The following SART1 variants were observed in gnomAD, a reference collection of about 807,000 sequenced individuals.
The protein encoded by SART1 is U4/U6.U5 tri-snRNP-associated protein 1.
In SART1, 28 loss-of-function variants were observed where a neutral mutation model predicts 105.0. The ratio of observed to expected loss-of-function variants is 0.27; its 90% CI spans 0.20 to 0.37. SART1 has a LOEUF of 0.37. SART1 is among the 10% of genes least tolerant of loss of function. The pLI, the probability that SART1 is intolerant of heterozygous loss-of-function variation, is 1.00. For synonymous variants in SART1, 472 were observed against 462.9 expected, an observed-to-expected ratio of 1.02 and a Z score of -0.25; for missense variants, 894 against 1,106.5, an observed-to-expected ratio of 0.81 and a Z score of 2.72.
intron 9 of SART1, among the ~76,000 whole-genome samples, chr11:65,966,908 G>A (rs901707909): frequency 6.6e-6 from 1 of 152,192 alleles, no homozygotes; most frequent in African/African-American, 2.4e-5. Flanking sequence ...TGACTGGAGA[G>A]GTGTGCGTGG....
At chr11:65,968,139 G>A (rs1256025790) in intron 12 of SART1, among the ~76,000 whole-genome samples, 1 of 151,898 alleles carries the variant, frequency 6.6e-6, no homozygotes, top group African/African-American at 2.4e-5. Context: ...TAGTAGAGAC[G>A]GGGTTTCACT....
chr11:65,965,295 G>C, intron 4 of SART1, 47 bp from the exon 5 acceptor site: 1 of 1,602,498 alleles, frequency 6.2e-7, no homozygotes, highest in Non-Finnish European at 8.5e-7. Flanking sequence ...GAGTGGGGTG[G>C]GGAGCAGGAG....
At chr11:65,977,147 C>T (rs776213370) in intron 15 of SART1, 46 bp downstream of exon 15, 3 of 1,449,586 alleles carry the variant, frequency 2.1e-6, no homozygotes, top group Non-Finnish European at 2.9e-6. Flanking sequence ...TTGGGTGCTG[C>T]TGCAGGTGCA....
At position 65,978,453 on chromosome 11, in the gene SART1, T is replaced by G; in HGVS notation, c.2173-147T>G. The G allele has an allele frequency of 1.3e-6, 1 of 741,756 alleles. No individual in the cohort carries two copies. Among genetic ancestry groups the G allele is most frequent in the Non-Finnish European group, 2.3e-6 (1 of 440,984 alleles). The allele number at this position is 741,756 out of a possible 1,614,324, so 45.9% of individuals were successfully genotyped here. A position where few individuals can be genotyped will look rare whatever the true frequency, so the allele number is the denominator to read the frequency against. The stretch of plus-strand genomic sequence containing the variant: ...GGGCCCTGCAGGGTGCCAGCGTCTG[T>G]GCTCTTTTCCCATCCCCTTCCCACT... On this transcript the variant is annotated intron_variant, in intron 17 of 19. Coordinates refer to ENST00000312397, the MANE Select transcript of SART1 (RefSeq NM_005146.5). The surrounding 1 kb of genome is among the most constrained non-coding windows in gnomAD (Gnocchi z 6.8).
intron 12 of SART1, among the ~76,000 whole-genome samples, chr11:65,970,578 C>A (rs1362207061): frequency 6.6e-6 from 1 of 151,450 alleles, no homozygotes; most frequent in East Asian, 2.0e-4. Flanking sequence ...CTGTGGGTGA[C>A]CTTGTTTAGG....
chr11:65,971,993 A>C (rs1334430136), intron 12 of SART1, among the ~76,000 whole-genome samples: 1 of 152,022 alleles, frequency 6.6e-6, no homozygotes, highest in Non-Finnish European at 1.5e-5. Flanking sequence ...ACTCTATCTC[A>C]GCTCACTGCA....
chr11:65,964,324 C>T (rs1297742661), intron 2 of SART1, 191 bp from the exon 3 acceptor site: 6 of 835,630 alleles, frequency 7.2e-6, no homozygotes, highest in Non-Finnish European at 1.2e-5. Flanking sequence ...ACTGGTTAGA[C>T]GCAGACCAGG....
At chr11:65,969,128 G>A (rs1047703921) in intron 12 of SART1, among the ~76,000 whole-genome samples, 3 of 152,168 alleles carry the variant, frequency 2.0e-5, no homozygotes, top group African/African-American at 7.2e-5. Context: ...GGCTGAACCC[G>A]GGACGGAGGC....
At chr11:65,967,037 C>T (rs1249182774) in intron 9 of SART1, among the ~76,000 whole-genome samples, 5 of 152,104 alleles carry the variant, frequency 3.3e-5, no homozygotes, top group Admixed American at 3.3e-4. Context: ...CACCTAGGAG[C>T]TGGGCAACCT....
chr11:65,966,785 G>A (rs998228397), intron 9 of SART1, among the ~76,000 whole-genome samples: 7 of 152,212 alleles, frequency 4.6e-5, no homozygotes, highest in Non-Finnish European at 8.8e-5. Flanking sequence ...CTGCCAGCTC[G>A]TGCCTTGGAT....
chr11:65,966,096 G>C lies in SART1; in HGVS notation c.859G>C (p.Asp287His). 1 of 1,614,014 alleles carries C rather than the reference G, an allele frequency of 6.2e-7. No individual in the cohort carries two copies. The highest frequency in any genetic ancestry group is 8.5e-7 in the Non-Finnish European group (1 of 1,180,002). Reference protein sequence around the residue: ...KDKGVLQEEEDVLVNVNLVDK... With the variant: ...KDKGVLQEEEHVLVNVNLVDK... ...CCCAGGCGTGCTGCAGGAGGAGGAGGACGTGCTGGTGAACGTGAACCTGGT... is the reference window on the plus strand; with the variant it reads ...CCCAGGCGTGCTGCAGGAGGAGGAGCACGTGCTGGTGAACGTGAACCTGGT... The change falls in exon 8 of 20, where the codon GAC becomes CAC. Residue 287 changes from aspartate (D) to histidine (H), a missense_variant. Physicochemically the swap from Asp to His is moderately conservative, Grantham distance 81. Coordinates refer to ENST00000312397, the MANE Select transcript of SART1 (RefSeq NM_005146.5).
intron 12 of SART1, among the ~76,000 whole-genome samples, chr11:65,974,995 G>A (rs993009897): frequency 7.9e-5 from 12 of 152,010 alleles, no homozygotes; most frequent in African/African-American, 2.9e-4. Context: ...AGCTGAGATC[G>A]CGCCACTGCA....
At chr11:65,966,239 G>A in intron 8 of SART1, 21 bp downstream of exon 8, 2 of 1,613,972 alleles carry the variant, frequency 1.2e-6, no homozygotes, top group South Asian at 1.1e-5. Flanking sequence ...GGCAGGCTGG[G>A]TGGCGGGGGC....
At chr11:65,975,101 CTTTTTT>C (rs549348095) in intron 12 of SART1, among the ~76,000 whole-genome samples, 1 of 128,150 alleles carries the variant, frequency 7.8e-6, no homozygotes, top group African/African-American at 2.9e-5. Flanking sequence ...TCCTGGAAGA[CTTTTTT>C]TTTTTTTTTT....
At chr11:65,972,246 A>G (rs568680519) in intron 12 of SART1, among the ~76,000 whole-genome samples, 16 of 152,302 alleles carry the variant, frequency 1.1e-4, no homozygotes, top group African/African-American at 3.1e-4. Context: ...GTGGGATTGC[A>G]TAAGGATAGA....
At chr11:65,974,338 C>T (rs1002173643) in intron 12 of SART1, among the ~76,000 whole-genome samples, 1 of 143,684 alleles carries the variant, frequency 7.0e-6, no homozygotes, top group Non-Finnish European at 1.5e-5. Flanking sequence ...CGTGCCACTT[C>T]ACTCCAGCCT....
rs773965690 is a variant in SART1, at chr11:65,966,439, T to C, written c.1071T>C (p.Ala357=). The C allele has an allele frequency of 6.2e-7, 1 of 1,613,572 alleles. No individual in the cohort carries two copies. Among genetic ancestry groups the C allele is most frequent in the African/African-American group, 1.3e-5 (1 of 75,048 alleles). The change falls in exon 9 of 20, where the codon GCT becomes GCC. Residue 357 remains alanine (A), a synonymous_variant. Transcript: ENST00000312397. The stretch of plus-strand genomic sequence containing the variant: ...TCCGCTTGGAGCAGGGCGGCACGGC[T>C]GATGGCCTGCGGGAGCGGGAGCTGG... ...HSFRLEQGGT[A]DGLRERELEE...
At chr11:65,965,638 C>T in intron 5 of SART1, 64 bp from the exon 6 acceptor site, 15 of 1,530,872 alleles carry the variant, frequency 9.8e-6, no homozygotes, top group Non-Finnish European at 1.3e-5. Flanking sequence ...TTGGTAGAGC[C>T]CTGAGTGTTT....
chr11:65,974,506 C>A (rs1466345062), intron 12 of SART1, among the ~76,000 whole-genome samples: 5 of 151,826 alleles, frequency 3.3e-5, no homozygotes, highest in African/African-American at 1.2e-4. Context: ...TGGTGAAACC[C>A]TGTCTCTACT....
Sources: gnomAD v4.1 joint callset for allele counts (sites outside exome capture counted in the v4.1 genomes callset) on GRCh38, gnomAD v4.1.1 for gene constraint, Gnocchi (gnomAD v3.1) non-coding constraint, MANE v1.5 for transcripts, NCBI Gene and HGNC (gene_info 2026-07-23, HGNC 2026-07-21) for gene names.